The following ZNF81 variants were observed in gnomAD, a reference collection of about 807,000 sequenced individuals.
The protein encoded by ZNF81 is zinc finger protein 81.
In ZNF81, 5 loss-of-function variants were observed where a neutral mutation model predicts 32.3. The ratio of observed to expected loss-of-function variants is 0.15; its 90% CI spans 0.08 to 0.33. ZNF81 has a LOEUF of 0.33. Ranked by LOEUF, ZNF81 falls within the 10% of genes least tolerant of loss-of-function variation. The pLI is 1.00. For missense variants in ZNF81, 379 were observed against 479.8 expected, an observed-to-expected ratio of 0.79 and a Z score of 1.96; for synonymous variants, 163 against 166.8, an observed-to-expected ratio of 0.98 and a Z score of 0.17.
At position 47,873,057 on chromosome X, in the gene ZNF81, T is replaced by A. The variant is rs782690442; in HGVS notation, c.55-14942T>A. Among the ~76,000 whole-genome samples the A allele has an allele frequency of 2.7e-5, 3 of 111,836 alleles. No individual in the cohort carries two copies. The South Asian group carries it at 1.1e-3, about 42-fold the overall frequency. On this transcript the variant is annotated intron_variant, in intron 2 of 4. Coordinates refer to ENST00000338637, the MANE Select transcript of ZNF81 (RefSeq NM_007137.5). ...TCAGGTGCCTTTTCCTCTAGGCATC[T>A]CCACAAGCACTCCATCTGGAGTAGA...
At chrX:47,902,778 G>A (rs2058703223) in intron 4 of ZNF81, among the ~76,000 whole-genome samples, 1 of 111,857 alleles carries the variant, frequency 8.9e-6, no homozygotes, top group African/African-American at 3.2e-5. Flanking sequence ...TTGTGGGGCC[G>A]GGCGCAGTGG....
Position 47,917,342 on chromosome X carries a change from G to A in ZNF81, c.*710G>A, listed in dbSNP as rs1357907718. The A allele has an allele frequency of 3.4e-6, 1 of 295,046 alleles. No homozygotes were observed. Among genetic ancestry groups the A allele is most frequent in the South Asian group, 2.0e-4 (1 of 4,887 alleles). 24.3% of individuals were successfully genotyped at this position (295,046 alleles called of 1,213,427 possible). A position where few individuals can be genotyped will look rare whatever the true frequency, so the allele number is the denominator to read the frequency against. ...ACTGGTTTCCATGACATAGTATCTT[G>A]TTTTCTTTCATTGTGGTACAATGCA... On this transcript the variant is annotated 3_prime_UTR_variant, in exon 5 of 5. Transcript: ENST00000338637.
intron 4 of ZNF81, among the ~76,000 whole-genome samples, chrX:47,904,625 C>G (rs1310415370): frequency 4.5e-5 from 5 of 111,587 alleles, no homozygotes; most frequent in Non-Finnish European, 9.4e-5. Context: ...GGACTGTAAA[C>G]TAGTTCAACC....
chrX:47,916,162 G>T lies in ZNF81; in HGVS notation c.1516G>T (p.Ala506Ser), dbSNP rs782473916. The change falls in exon 5 of 5, where the codon GCT becomes TCT. Residue 506 changes from alanine (A) to serine (S), a missense_variant. Ala to Ser is a moderately conservative substitution (Grantham distance 99). Around this residue, in one of 2 missense-constraint regions of ZNF81, gnomAD observed 102 missense variants for 173.2 expected, o/e 0.59. Transcript: ENST00000338637. ...KPYICTECGK[A>S]FTNRSNLNTH... ...CTATATATGCACTGAATGTGGGAAG[G>T]CTTTCACCAACAGGTCAAATCTCAA... is the stretch of plus-strand genomic sequence containing the variant. The T allele has an allele frequency of 1.7e-6, 2 of 1,211,573 alleles. No homozygotes were observed. The highest frequency in any genetic ancestry group is 5.9e-5 in the East Asian group (2 of 33,830).
At chrX:47,890,785 C>T (rs1247418647) in intron 3 of ZNF81, among the ~76,000 whole-genome samples, 1 of 111,868 alleles carries the variant, frequency 8.9e-6, no homozygotes, top group African/African-American at 3.3e-5. Flanking sequence ...AAGCATTGTG[C>T]CTTTTCTCTT....
Position 47,909,167 on chromosome X carries a change from TG to T in ZNF81, c.278-5755del, listed in dbSNP as rs1408797949. Among the ~76,000 whole-genome samples, 3 of 112,078 alleles carry T rather than the reference TG, an allele frequency of 2.7e-5. No individual in the cohort carries two copies. In the Admixed American group the frequency reaches 2.8e-4, roughly 11 times the overall value. On this transcript the variant is annotated intron_variant, in intron 4 of 4. Transcript: ENST00000338637. The stretch of plus-strand genomic sequence containing the variant: ...TTCCTCAGGTATGTTTATATAGAAT[TG>T]GTATTGGTTGATCACTGGATCATAT...
At position 47,925,531 on chromosome X, in the gene ZNF81, A is replaced by G. The variant is rs2058787920; in HGVS notation, c.*8899A>G. On this transcript the variant is annotated 3_prime_UTR_variant, in exon 5 of 5. Coordinates refer to ENST00000338637, the MANE Select transcript of ZNF81 (RefSeq NM_007137.5). ...CTAAGTGTTATTTCATTATATGGAC[A>G]TACCAGAATTTGTTTATCCATTCAT... is the stretch of plus-strand genomic sequence containing the variant. Among the ~76,000 whole-genome samples the G allele has an allele frequency of 8.9e-6, 1 of 112,106 alleles. No individual in the cohort carries two copies. The highest frequency in any genetic ancestry group is 3.7e-4 in the South Asian group (1 of 2,728).
Position 47,917,042 on chromosome X carries a change from CA to C in ZNF81, c.*414del, listed in dbSNP as rs1404319744. On this transcript the variant is annotated 3_prime_UTR_variant, in exon 5 of 5. Transcript: ENST00000338637. ...GATAACAAAATGAAAGGTAGTGCAG[CA>C]AAATAATATAACTGGTGAGTAGACC... 2 of 278,783 alleles carry C rather than the reference CA, an allele frequency of 7.2e-6. No homozygotes were observed. Among genetic ancestry groups the C allele is most frequent in the African/African-American group, 5.6e-5 (2 of 35,964 alleles). 23.0% of individuals were successfully genotyped at this position (278,783 alleles called of 1,213,427 possible).
chrX:47,861,289 G>A (rs920243041), intron 2 of ZNF81, among the ~76,000 whole-genome samples: 2 of 111,719 alleles, frequency 1.8e-5, no homozygotes, highest in South Asian at 7.5e-4. Flanking sequence ...AGAATTGCTC[G>A]GTGTGGAAAA....
At chrX:47,912,038 G>C (rs568232538) in intron 4 of ZNF81, among the ~76,000 whole-genome samples, 9 of 106,699 alleles carry the variant, frequency 8.4e-5, no homozygotes, top group Non-Finnish European at 1.7e-4. Context: ...CTTCATTTAC[G>C]TACTCTTCAT....
chrX:47,880,460 C>T (rs2058616328), intron 2 of ZNF81, among the ~76,000 whole-genome samples: 1 of 112,170 alleles, frequency 8.9e-6, no homozygotes, highest in African/African-American at 3.2e-5. Context: ...GCGATCTACC[C>T]ACCTTGGCCT....
intron 3 of ZNF81, among the ~76,000 whole-genome samples, chrX:47,892,113 G>C (rs1398270619): frequency 6.3e-5 from 7 of 111,701 alleles, no homozygotes; most frequent in Admixed American, 2.8e-4. Flanking sequence ...CTGCCTATCT[G>C]TTTCTTTTCT....
At chrX:47,877,231 C>A (rs1371283864) in intron 2 of ZNF81, among the ~76,000 whole-genome samples, 1 of 111,647 alleles carries the variant, frequency 9.0e-6, no homozygotes, top group Admixed American at 9.5e-5. Context: ...ATAGGATGGT[C>A]CCTTGGGCGA....
intron 1 of ZNF81, among the ~76,000 whole-genome samples, chrX:47,844,775 G>A (rs2058463921): frequency 8.9e-6 from 1 of 112,128 alleles, no homozygotes; most frequent in Admixed American, 9.4e-5. Flanking sequence ...CAGAATGAGT[G>A]CACCATTTTA....
intron 3 of ZNF81, among the ~76,000 whole-genome samples, chrX:47,888,795 G>A (rs1345108251): frequency 1.8e-5 from 2 of 111,666 alleles, no homozygotes; most frequent in South Asian, 3.7e-4. Flanking sequence ...CCTAGATTGC[G>A]TTAACGAGAC....
At chrX:47,844,686 A>G (rs182105310) in intron 1 of ZNF81, among the ~76,000 whole-genome samples, 1 of 112,192 alleles carries the variant, frequency 8.9e-6, no homozygotes, top group Admixed American at 9.5e-5. Flanking sequence ...TTTCTCTTGC[A>G]TAGATATCTA....
chrX:47,887,533 A>C (rs1455664655), intron 2 of ZNF81, among the ~76,000 whole-genome samples: 3 of 111,967 alleles, frequency 2.7e-5, no homozygotes, highest in African/African-American at 9.8e-5. Flanking sequence ...TACAGAGTAT[A>C]CTTTCTGACC....
At chrX:47,895,302 C>T (rs1402807400) in intron 3 of ZNF81, among the ~76,000 whole-genome samples, 2 of 111,086 alleles carry the variant, frequency 1.8e-5, no homozygotes, top group African/African-American at 6.6e-5. Context: ...AATTTGGACA[C>T]GGGGGAATGC....
intron 2 of ZNF81, among the ~76,000 whole-genome samples, chrX:47,858,118 A>G (rs2058524475): frequency 8.9e-6 from 1 of 112,039 alleles, no homozygotes; most frequent in African/African-American, 3.3e-5. Context: ...AATATCATCA[A>G]GCAGAATCCA....
Sources: gnomAD v4.1 joint callset for allele counts (sites outside exome capture counted in the v4.1 genomes callset) on GRCh38, gnomAD v4.1.1 for gene constraint, gnomAD v4.1.1 regional missense constraint, MANE v1.5 for transcripts, NCBI Gene and HGNC (gene_info 2026-07-23, HGNC 2026-07-21) for gene names.